EXT1: variants seen among roughly 807,000 people sequenced by gnomAD.
The protein encoded by EXT1 is exostosin-1.
In EXT1, 20 loss-of-function variants were observed where a neutral mutation model predicts 82.5. The ratio of observed to expected loss-of-function variants is 0.24; its 90% CI spans 0.17 to 0.35. EXT1 has a LOEUF of 0.35. EXT1 is among the 10% of genes least tolerant of loss of function. The pLI is 1.00. For missense variants in EXT1, 757 were observed against 936.5 expected (o/e 0.81, Z 2.50); for synonymous variants, 348 against 350.8 (o/e 0.99, Z 0.09).
chr8:118,078,033 A>G (rs2129976416), intron 1 of EXT1, among the ~76,000 whole-genome samples: 1 of 152,288 alleles, frequency 6.6e-6, no homozygotes, highest in African/African-American at 2.4e-5. Flanking sequence ...GTACCTCCCT[A>G]GACACTATGA....
chr8:118,012,419 T>G lies in EXT1; in HGVS notation c.962+97666A>C, dbSNP rs1416963552. ...TTTTGTCCGGGAAGGTGAAGCTTCCTAAGGCTAGATGGAACAAGCTGCTGG... is the reference window on the plus strand; with the variant it reads ...TTTTGTCCGGGAAGGTGAAGCTTCCGAAGGCTAGATGGAACAAGCTGCTGG... On this transcript the variant is annotated intron_variant, in intron 1 of 10. Transcript: ENST00000378204. Among the ~76,000 whole-genome samples, 4 of 152,212 alleles carry G rather than the reference T, an allele frequency of 2.6e-5. No homozygotes were observed. The East Asian group carries it at 7.7e-4, about 29-fold the overall frequency.
At chr8:118,015,271 A>G (rs17505213) in intron 1 of EXT1, among the ~76,000 whole-genome samples, 12,909 of 152,210 alleles carry the variant, frequency 0.085, 1,894 homozygotes, top group African/African-American at 0.3. Context: ...TTTAGAATCC[A>G]TGTTTGTCAT....
chr8:117,959,494 G>A (rs1438786223), intron 1 of EXT1, among the ~76,000 whole-genome samples: 1 of 152,206 alleles, frequency 6.6e-6, no homozygotes, highest in Admixed American at 6.5e-5. Context: ...CAATGTAACT[G>A]AGGCAGTTCT....
At chr8:118,058,853 G>A (rs192119627) in intron 1 of EXT1, among the ~76,000 whole-genome samples, 26 of 152,254 alleles carry the variant, frequency 1.7e-4, no homozygotes, top group African/African-American at 6.0e-4. Context: ...AGACAGGCAG[G>A]CAGACAAAAA....
chr8:118,083,968 G>A (rs1328471179), intron 1 of EXT1, among the ~76,000 whole-genome samples: 1 of 152,174 alleles, frequency 6.6e-6, no homozygotes, highest in Non-Finnish European at 1.5e-5. Context: ...GGCAGAGGCT[G>A]TAGTGAGCCA....
chr8:118,030,728 C>T (rs568216735), intron 1 of EXT1, among the ~76,000 whole-genome samples: 8 of 152,100 alleles, frequency 5.3e-5, no homozygotes, highest in South Asian at 4.2e-4. Flanking sequence ...ATGATCTACC[C>T]GCCTCAGCCT....
rs189094772 is a variant in EXT1, at chr8:117,795,412, C to G, written c.*4300G>C. 3 of 151,392 alleles carry G rather than the reference C, an allele frequency of 2.0e-5. No individual in the cohort carries two copies. The highest frequency in any genetic ancestry group is 2.0e-4 in the Admixed American group (3 of 15,210). The allele number at this position is 151,392 out of a possible 1,614,324, so 9.4% of individuals were successfully genotyped here. A position where few individuals can be genotyped will look rare whatever the true frequency, so the allele number is the denominator to read the frequency against. On this transcript the variant is annotated 3_prime_UTR_variant, in exon 11 of 11. Coordinates refer to ENST00000378204, the MANE Select transcript of EXT1 (RefSeq NM_000127.3). ...ATGGTGTAAATAACAGCTTTTTTATCCAGAGGTTCTGTACAGCATTATTGA... is the reference window on the plus strand; with the variant it reads ...ATGGTGTAAATAACAGCTTTTTTATGCAGAGGTTCTGTACAGCATTATTGA...
Position 118,015,110 on chromosome 8 carries a change from T to C in EXT1, c.962+94975A>G, listed in dbSNP as rs541123771. Among the ~76,000 whole-genome samples, 4 of 152,306 alleles carry C rather than the reference T, an allele frequency of 2.6e-5. No homozygotes were observed. The East Asian group carries it at 7.7e-4, about 29-fold the overall frequency. ...ATTTTCCTTCGAACTGCAAGACAGA[T>C]TAATCTAAAATGAATTAAGACAGGC... On this transcript the variant is annotated intron_variant, in intron 1 of 10. Transcript: ENST00000378204.
intron 1 of EXT1, among the ~76,000 whole-genome samples, chr8:117,930,110 A>G (rs1389149665): frequency 1.3e-5 from 2 of 152,114 alleles, no homozygotes; most frequent in Non-Finnish European, 2.9e-5. Flanking sequence ...TCTCAAAAAA[A>G]AAAAAATAAA....
rs61042253 is a variant in EXT1 at position 117,844,137 on chromosome 8, C to CTATTATTATTATTATTATTATTATTAT, written c.963-6963_963-6937dup. 7.0e-4 allele frequency among the ~76,000 whole-genome samples: 100 copies of CTATTATTATTATTATTATTATTATTAT among 142,524 alleles called. 1 individual carries two copies. Among genetic ancestry groups the CTATTATTATTATTATTATTATTATTAT allele is most frequent in the African/African-American group, 1.6e-3 (63 of 38,600 alleles). The allele number at this position is 142,524 out of a possible 152,430, so 93.5% of individuals were successfully genotyped here. A position where few individuals can be genotyped will look rare whatever the true frequency, so the allele number is the denominator to read the frequency against. On this transcript the variant is annotated intron_variant, in intron 1 of 10. Transcript: ENST00000378204. ...GTTTAACAGTTTAAAATTTCAATTA[C>CTATTATTATTATTATTATTATTATTAT]TATTATTATTATTATTATTATTATT...
At chr8:117,894,222 T>C (rs886157203) in intron 1 of EXT1, among the ~76,000 whole-genome samples, 7 of 152,154 alleles carry the variant, frequency 4.6e-5, no homozygotes, top group Admixed American at 4.6e-4. Flanking sequence ...TTGTTGTTGT[T>C]GAGATGAGGT....
chr8:118,064,067 T>C lies in EXT1; in HGVS notation c.962+46018A>G, dbSNP rs17451449. Among the ~76,000 whole-genome samples the C allele has an allele frequency of 2.8e-3, 426 of 152,302 alleles. 6 individuals are homozygous for C. The highest frequency in any genetic ancestry group is 0.023 in the East Asian group (121 of 5,184). ...TTTTAGTAGAGATGGGGTTTCACTG[T>C]TGGCCAGGCTGGTCTCAAACTCCTG... On this transcript the variant is annotated intron_variant, in intron 1 of 10. Coordinates refer to ENST00000378204, the MANE Select transcript of EXT1 (RefSeq NM_000127.3).
chr8:117,862,788 G>A (rs1812708184), intron 1 of EXT1, among the ~76,000 whole-genome samples: 1 of 145,508 alleles, frequency 6.9e-6, no homozygotes, highest in South Asian at 2.2e-4. Flanking sequence ...CAGTAAAGAT[G>A]GGGTGCTCAG....
At chr8:117,989,061 C>CAA (rs10649300) in intron 1 of EXT1, among the ~76,000 whole-genome samples, 47,554 of 104,828 alleles carry the variant, frequency 0.45, 9,717 homozygotes, top group Middle Eastern at 0.51. Flanking sequence ...CCCCTCCTCT[C>CAA]AAAAAAAAAA....
chr8:117,972,154 AAAAAAAAAGAAAGAAAG>A (rs1814954688), intron 1 of EXT1, among the ~76,000 whole-genome samples: 1 of 151,946 alleles, frequency 6.6e-6, no homozygotes, highest in Non-Finnish European at 1.5e-5. Flanking sequence ...CCAACAAAAA[AAAAAAAAAGAAAGAAAG>A]AAAAAAAAGA....
chr8:117,881,880 C>A (rs984010839), intron 1 of EXT1, among the ~76,000 whole-genome samples: 5 of 152,190 alleles, frequency 3.3e-5, no homozygotes, highest in African/African-American at 1.2e-4. Context: ...GCTGCTGCTG[C>A]ACACAGCAGA....
intron 1 of EXT1, among the ~76,000 whole-genome samples, chr8:117,931,356 C>T (rs1814058472): frequency 6.6e-6 from 1 of 151,946 alleles, no homozygotes. Flanking sequence ...TCAAAGGAGG[C>T]ATGCTTAGAA....
chr8:117,930,304 G>C (rs1231335997), intron 1 of EXT1, among the ~76,000 whole-genome samples: 1 of 151,960 alleles, frequency 6.6e-6, no homozygotes, highest in Non-Finnish European at 1.5e-5. Flanking sequence ...GAAGGGTGGA[G>C]AATGACAAGT....
chr8:117,811,474 A>G (rs981238388), intron 8 of EXT1, among the ~76,000 whole-genome samples: 5 of 152,150 alleles, frequency 3.3e-5, no homozygotes, highest in Non-Finnish European at 5.9e-5. Flanking sequence ...CACTCATTCA[A>G]CAAGTATTTA....
Sources: gnomAD v4.1 joint callset for allele counts (sites outside exome capture counted in the v4.1 genomes callset) on GRCh38, gnomAD v4.1.1 for gene constraint, MANE v1.5 for transcripts, NCBI Gene and HGNC (gene_info 2026-07-23, HGNC 2026-07-21) for gene names.